C2CD3: variants seen among roughly 807,000 people sequenced by gnomAD.
The protein encoded by C2CD3 is C2 domain containing 3 centriole elongation regulator.
A neutral mutation model predicts 234.0 loss-of-function variants in C2CD3; 148 were observed. The observed-to-expected ratio is 0.63, with a 90% CI of 0.55 to 0.72. The LOEUF is 0.72. Among genes scored for constraint, C2CD3 ranks in the 30% least tolerant of loss-of-function variants. The pLI is 0.00. For missense variants in C2CD3, 2,577 were observed against 2,811.5 expected, an observed-to-expected ratio of 0.92 and a Z score of 1.89; for synonymous variants, 1,000 against 1,035.4, an observed-to-expected ratio of 0.97 and a Z score of 0.66.
intron 16 of C2CD3, among the ~76,000 whole-genome samples, chr11:74,095,927 C>T (rs889362756): frequency 6.6e-6 from 1 of 152,156 alleles, no homozygotes; most frequent in Non-Finnish European, 1.5e-5. Flanking sequence ...TCCACGATTC[C>T]AGCAGGACTC....
In C2CD3 at chr11:74,013,467, T is replaced by C. The variant is rs61733220; in HGVS notation, c.6980A>G (p.Asn2327Ser). The change falls in exon 33 of 33, where the codon AAC becomes AGC. Residue 2327 changes from asparagine (N) to serine (S), a missense_variant. Asn to Ser is a conservative substitution (Grantham distance 46, BLOSUM62 1). Transcript: ENST00000334126. ...CTCAGGCAGGTTGAGGGGGAGCGAG[T>C]TAGGTCTGGGGCGACAAGGCCTTTG... ...LSQRPCRPRP[N>S]SLPLNLPEEE... 294 of 1,428,646 alleles carry C rather than the reference T, an allele frequency of 2.1e-4. No homozygotes were observed. In the African/African-American group the frequency reaches 3.9e-3, roughly 19 times the overall value. 88.5% of individuals were successfully genotyped at this position (1,428,646 alleles called of 1,614,324 possible).
chr11:74,072,040 T>C (rs1274814268), intron 24 of C2CD3, among the ~76,000 whole-genome samples: 2 of 152,098 alleles, frequency 1.3e-5, no homozygotes, highest in African/African-American at 4.8e-5. Context: ...TTTCCAAAAA[T>C]AAAAGAAGCT....
intron 32 of C2CD3, among the ~76,000 whole-genome samples, chr11:74,020,559 C>T (rs1202828120): frequency 2.6e-5 from 4 of 152,146 alleles, no homozygotes; most frequent in African/African-American, 9.7e-5. Context: ...ACTGCGAGCT[C>T]CCTAAAGGCA....
chr11:74,116,931 TATATACAC>T lies in C2CD3; in HGVS notation c.1520+1289_1520+1296del, dbSNP rs1203408250. 1.3e-4 allele frequency among the ~76,000 whole-genome samples: 16 copies of T among 118,624 alleles called. No individual in the cohort carries two copies. In the East Asian group the frequency reaches 3.9e-3, roughly 29 times the overall value. 77.8% of individuals were successfully genotyped at this position (118,624 alleles called of 152,430 possible). A position where few individuals can be genotyped will look rare whatever the true frequency, so the allele number is the denominator to read the frequency against. On this transcript the variant is annotated intron_variant, in intron 9 of 32. Coordinates refer to ENST00000334126, the MANE Select transcript of C2CD3 (RefSeq NM_001286577.2). ...GTATGTATATATACATATACACGTG[TATATACAC>T]ATATACACGTATATATGTGTATATA...
intron 24 of C2CD3, among the ~76,000 whole-genome samples, chr11:74,058,968 A>G (rs1257864938): frequency 6.6e-6 from 1 of 152,178 alleles, no homozygotes; most frequent in African/African-American, 2.4e-5. Context: ...CATAACAGAA[A>G]GTTCTTTTGG....
intron 18 of C2CD3, 51 bp downstream of exon 18, chr11:74,093,765 A>C (rs1415355405): frequency 6.8e-7 from 1 of 1,474,402 alleles, no homozygotes; most frequent in Non-Finnish European, 9.4e-7. Context: ...AGGATGCTTT[A>C]TGATTGTGCA....
intron 31 of C2CD3, among the ~76,000 whole-genome samples, chr11:74,029,706 T>A (rs950718631): frequency 1.3e-5 from 2 of 152,262 alleles, no homozygotes; most frequent in Non-Finnish European, 2.9e-5. Flanking sequence ...CATTGCCTCA[T>A]GTGTGCTTTA....
chr11:74,134,980 C>T (rs2135539177), intron 5 of C2CD3, among the ~76,000 whole-genome samples: 1 of 152,206 alleles, frequency 6.6e-6, no homozygotes, highest in Middle Eastern at 3.4e-3. Context: ...CTGCCCCGGC[C>T]TCCCAAAGTC....
At chr11:74,115,013 C>T (rs11236002) in intron 9 of C2CD3, among the ~76,000 whole-genome samples, 43,019 of 151,714 alleles carry the variant, frequency 0.28, 7,097 homozygotes, top group African/African-American at 0.46. Flanking sequence ...AGTATCTTGA[C>T]TCACAAGTTA....
In C2CD3 at chr11:74,049,441, C is replaced by A; in HGVS notation, c.5257G>T (p.Glu1753Ter). The A allele has an allele frequency of 6.2e-7, 1 of 1,613,978 alleles. No homozygotes were observed. The highest frequency in any genetic ancestry group is 1.3e-5 in the African/African-American group (1 of 75,042). ...GWYNITDFSG[E>*]CQGQIKVAVS... ...GCAACTTTTATCTGCCCCTGGCACT[C>A]TCCACTGAAGTCTGTGATGTTGTAC... is the stretch of plus-strand genomic sequence containing the variant. Residue 1753 changes from glutamate to a stop codon, truncating the protein, a stop_gained, in exon 27 of 33, where the codon GAG (glutamate) becomes TAG (stop). Coordinates refer to ENST00000334126, the MANE Select transcript of C2CD3 (RefSeq NM_001286577.2). LOFTEE classifies it high-confidence loss of function.
Position 74,078,570 on chromosome 11 carries a change from T to C in C2CD3, c.4148A>G (p.Glu1383Gly), listed in dbSNP as rs1197144592. The change falls in exon 23 of 33, where the codon GAG (glutamate) becomes GGG (glycine). Residue 1383 changes from glutamate (E) to glycine (G), a missense_variant. By Grantham distance (98) the Glu-to-Gly change is moderately conservative (BLOSUM62 -2). Transcript: ENST00000334126. ...GTTCTCAAAGCTCCAGCCCAAATGC[T>C]CAGCAGCTTCCAACACCCGTTCTCT... ...GDRERVLEAA[E>G]HLGWSFENSL... The C allele has an allele frequency of 6.2e-7, 1 of 1,614,070 alleles. No individual in the cohort carries two copies. The highest frequency in any genetic ancestry group is 1.1e-5 in the South Asian group (1 of 91,072).
intron 3 of C2CD3, among the ~76,000 whole-genome samples, chr11:74,150,326 A>T (rs1481257308): frequency 6.6e-6 from 1 of 151,036 alleles, no homozygotes; most frequent in Non-Finnish European, 1.5e-5. Flanking sequence ...AAAAAAAAAA[A>T]TACAAAAAAA....
intron 9 of C2CD3, 137 bp downstream of exon 9, chr11:74,118,091 G>A (rs1957089613): frequency 1.7e-6 from 1 of 601,834 alleles, no homozygotes; most frequent in African/African-American, 1.9e-5. Context: ...ACATTTTTAA[G>A]AATTACAATG....
At chr11:74,047,663 A>C (rs1214755577) in intron 28 of C2CD3, among the ~76,000 whole-genome samples, 1 of 152,218 alleles carries the variant, frequency 6.6e-6, no homozygotes, top group African/African-American at 2.4e-5. Flanking sequence ...CCCTGAGCTG[A>C]AGAGAAAGAC....
chr11:74,158,632 G>T (rs899030757), intron 3 of C2CD3, among the ~76,000 whole-genome samples: 7 of 151,914 alleles, frequency 4.6e-5, no homozygotes, highest in African/African-American at 1.7e-4. Context: ...TGAGGCAGGA[G>T]AATCACTTGA....
chr11:74,075,549 T>C lies in C2CD3; in HGVS notation c.4604-949A>G, dbSNP rs553929364. On this transcript the variant is annotated intron_variant, in intron 23 of 32. Transcript: ENST00000334126. ...ACTTGAATTTTACTAACTTGCTGAA[T>C]ATTAAAATGAGATTTATAAAACAGA... 1.6e-4 allele frequency among the ~76,000 whole-genome samples: 25 copies of C among 152,288 alleles called. No individual in the cohort carries two copies. The South Asian group carries it at 5.2e-3, about 32-fold the overall frequency.
At chr11:74,170,663 G>A (rs574186872) in intron 1 of C2CD3, 75 bp downstream of exon 1, 7 of 1,524,076 alleles carry the variant, frequency 4.6e-6, no homozygotes, top group Admixed American at 3.4e-5. Flanking sequence ...TCCAGCGGGG[G>A]TGCGGGTCTC....
intron 32 of C2CD3, among the ~76,000 whole-genome samples, chr11:74,021,458 T>A (rs964920704): frequency 6.6e-6 from 1 of 152,132 alleles, no homozygotes; most frequent in Non-Finnish European, 1.5e-5. Context: ...TAGAGTTAGG[T>A]CTGGGCCAAG....
intron 7 of C2CD3, among the ~76,000 whole-genome samples, chr11:74,127,902 G>A (rs957636111): frequency 2.7e-5 from 4 of 150,430 alleles, no homozygotes; most frequent in Non-Finnish European, 5.9e-5. Flanking sequence ...TCACTCTGTC[G>A]CCCAGGCTGG....
Sources: allele counts gnomAD v4.1 joint callset (sites outside exome capture counted in the v4.1 genomes callset), GRCh38; gene constraint gnomAD v4.1.1; transcripts MANE v1.5; gene names NCBI Gene and HGNC (gene_info 2026-07-23, HGNC 2026-07-21).